BBS5: variants seen among roughly 807,000 people sequenced by gnomAD.
BBS5 encodes the protein BBSome complex member BBS5.
BBS5 carries 39 observed loss-of-function variants against 50.2 expected under a neutral mutation model. The observed-to-expected ratio is 0.78, with a 90% CI of 0.60 to 1.01. BBS5 has a LOEUF of 1.01. Ranked by LOEUF, BBS5 falls within the 50% of genes least tolerant of loss-of-function variation. The pLI, the probability that BBS5 is intolerant of heterozygous loss-of-function variation, is 0.00. For synonymous variants in BBS5, 134 were observed against 133.1 expected, an observed-to-expected ratio of 1.01 and a Z score of -0.05; for missense variants, 356 against 401.5, an observed-to-expected ratio of 0.89 and a Z score of 0.97.
intron 3 of BBS5, 88 bp from the exon 4 acceptor site, chr2:169,487,718 A>T: frequency 1.1e-6 from 1 of 902,464 alleles, no homozygotes; most frequent in Non-Finnish European, 1.7e-6. Flanking sequence ...AAACTGTTAA[A>T]AGTTCTGTGT....
At chr2:169,493,947 G>T in intron 7 of BBS5, 111 bp downstream of exon 7, 1 of 690,880 alleles carries the variant, frequency 1.4e-6, no homozygotes, top group Non-Finnish European at 2.5e-6. Flanking sequence ...AGTGGTAGCA[G>T]TTATTAGCTG....
rs1482120334 is a variant in BBS5 at position 169,492,888 on chromosome 2, C to G, written c.401C>G (p.Ser134Cys). The change falls in exon 6 of 12, where the codon TCT (serine) becomes TGT (cysteine). Residue 134 changes from serine to cysteine, a missense_variant. Coordinates refer to ENST00000295240, the MANE Select transcript of BBS5 (RefSeq NM_152384.3). Reference sequence around the variant, plus strand: ...CTTTTTCATAGAGCTTATGAAACTTCTAAAATGTATCGTGATTTTAAATTA... The same window carrying G: ...CTTTTTCATAGAGCTTATGAAACTTGTAAAATGTATCGTGATTTTAAATTA... The part of the protein sequence containing the change: ...VMAVHRAYET[S>C]KMYRDFKLRS... 6.2e-7 allele frequency: 1 copy of G among 1,612,364 alleles called. No individual in the cohort carries two copies. Among genetic ancestry groups the G allele is most frequent in the Non-Finnish European group, 8.5e-7 (1 of 1,179,098 alleles).
intron 1 of BBS5, among the ~76,000 whole-genome samples, chr2:169,481,065 G>A (rs1683383810): frequency 2.0e-5 from 3 of 152,108 alleles, no homozygotes; most frequent in South Asian, 4.1e-4. Context: ...GTTTTATTAC[G>A]TGCTAGTTAC....
chr2:169,480,969 C>T (rs1255984114), intron 1 of BBS5, among the ~76,000 whole-genome samples: 1 of 152,110 alleles, frequency 6.6e-6, no homozygotes. Flanking sequence ...TGAGCCACTG[C>T]GCCCGGCGAC....
rs116832153 is a variant in BBS5, at chr2:169,488,560, C to T, written c.386+446C>T. On this transcript the variant is annotated intron_variant, in intron 5 of 11. Coordinates refer to ENST00000295240, the MANE Select transcript of BBS5 (RefSeq NM_152384.3). ...TGCTCACTCACCCCCCAACCACTCA[C>T]CTCCTGCTGGGCAGCCTGGTTCCTA... 9.1e-3 allele frequency among the ~76,000 whole-genome samples: 1,390 copies of T among 152,378 alleles called. 28 individuals are homozygous for T. Among genetic ancestry groups the T allele is most frequent in the African/African-American group, 0.031 (1,310 of 41,592 alleles).
chr2:169,483,364 T>G (rs1217184678), intron 2 of BBS5, among the ~76,000 whole-genome samples: 1 of 152,126 alleles, frequency 6.6e-6, no homozygotes. Context: ...CTCTTTTATG[T>G]ACATATGTCT....
chr2:169,501,903 A>G (rs1441211053), intron 9 of BBS5, among the ~76,000 whole-genome samples: 2 of 152,156 alleles, frequency 1.3e-5, no homozygotes, highest in African/African-American at 4.8e-5. Flanking sequence ...CTTTGACCCC[A>G]GTATATAATA....
At chr2:169,486,641 C>T (rs557490200) in intron 2 of BBS5, among the ~76,000 whole-genome samples, 1 of 152,216 alleles carries the variant, frequency 6.6e-6, no homozygotes, top group East Asian at 1.9e-4. Flanking sequence ...AGAAAGTACT[C>T]ATATAGAAAG....
rs141335726 is a variant in BBS5, at chr2:169,489,297, C to T, written c.386+1183C>T. 9.1e-3 allele frequency among the ~76,000 whole-genome samples: 1,382 copies of T among 151,908 alleles called. 28 individuals carry two copies. The highest frequency in any genetic ancestry group is 0.031 in the African/African-American group (1,306 of 41,466). The stretch of plus-strand genomic sequence containing the variant: ...CCAATGTGGTGAAACCCTGCCTCTA[C>T]TAAAAATACAAAAAAATTAGCTGAG... On this transcript the variant is annotated intron_variant, in intron 5 of 11. Transcript: ENST00000295240.
chr2:169,504,934 G>A lies in BBS5; in HGVS notation c.*352G>A, dbSNP rs1683877573. On this transcript the variant is annotated 3_prime_UTR_variant, in exon 12 of 12. Coordinates refer to ENST00000295240, the MANE Select transcript of BBS5 (RefSeq NM_152384.3). ...GGGACGTTGCGGCCCAGTGGGTGGA[G>A]GTCCAAAGAGGACTGGTGATCTACG... 1 of 1,613,616 alleles carries A rather than the reference G, an allele frequency of 6.2e-7. No individual in the cohort carries two copies. Among genetic ancestry groups the A allele is most frequent in the Non-Finnish European group, 8.5e-7 (1 of 1,179,940 alleles).
At position 169,503,104 on chromosome 2, in the gene BBS5, C is replaced by A; in HGVS notation, c.826C>A (p.Leu276Ile). Reference sequence around the variant, plus strand: ...ATCTGCTGATTTTCAGCCCCAGCCGCTCGAAGCTCTGACAGTCGAACAAAT... The same window carrying A: ...ATCTGCTGATTTTCAGCCCCAGCCGATCGAAGCTCTGACAGTCGAACAAAT... ...DYEMEEKPQP[L>I]EALTVEQIQD... The change falls in exon 10 of 12, where the codon CTC becomes ATC. Residue 276 changes from leucine to isoleucine, a missense_variant. Coordinates refer to ENST00000295240, the MANE Select transcript of BBS5 (RefSeq NM_152384.3). 1 of 1,613,520 alleles carries A rather than the reference C, an allele frequency of 6.2e-7. No homozygotes were observed. Among genetic ancestry groups the A allele is most frequent in the Non-Finnish European group, 8.5e-7 (1 of 1,179,542 alleles).
At position 169,492,840 on chromosome 2, in the gene BBS5, G is replaced by A. The variant is rs371583196; in HGVS notation, c.387-34G>A. The A allele has an allele frequency of 7.0e-4, 1,109 of 1,588,316 alleles. 4 individuals are homozygous for A. Among genetic ancestry groups the A allele is most frequent in the Non-Finnish European group, 8.5e-4 (993 of 1,163,666 alleles). Reference sequence around the variant, plus strand: ...ATAACCCAAGAAAATCACATTTTCAGTTTGAGTTGTCTTTTGTTTGTTCTT... The same window carrying A: ...ATAACCCAAGAAAATCACATTTTCAATTTGAGTTGTCTTTTGTTTGTTCTT... On this transcript the variant is annotated intron_variant, in intron 5 of 11. Coordinates refer to ENST00000295240, the MANE Select transcript of BBS5 (RefSeq NM_152384.3).
At chr2:169,490,396 G>A (rs1285977614) in intron 5 of BBS5, among the ~76,000 whole-genome samples, 1 of 151,080 alleles carries the variant, frequency 6.6e-6, no homozygotes, top group Non-Finnish European at 1.5e-5. Flanking sequence ...GTTTTACTGT[G>A]TTATAGAGAC....
At chr2:169,490,454 G>C (rs1205256930) in intron 5 of BBS5, among the ~76,000 whole-genome samples, 1 of 152,112 alleles carries the variant, frequency 6.6e-6, no homozygotes, top group East Asian at 1.9e-4. Context: ...CTGACCTTGT[G>C]ATCCGCCCAC....
At chr2:169,482,188 CTA>C in intron 1 of BBS5, 61 bp from the exon 2 acceptor site, 1 of 1,017,056 alleles carries the variant, frequency 9.8e-7, no homozygotes, top group Non-Finnish European at 1.6e-6. Context: ...TCTTTTCTCC[CTA>C]AATAGATTGC....
intron 3 of BBS5, 84 bp from the exon 4 acceptor site, chr2:169,487,722 T>G: frequency 2.1e-6 from 2 of 949,636 alleles, no homozygotes; most frequent in Non-Finnish European, 3.3e-6. Context: ...TGTTAAAAGT[T>G]CTGTGTATAC....
Position 169,504,598 on chromosome 2 carries a change from G to A in BBS5, c.*16G>A. Reference sequence around the variant, plus strand: ...AATGAGTTGATTGACCTTGAGTTGAGATGGATTTCTATTAAAGATATCTCT... The same window carrying A: ...AATGAGTTGATTGACCTTGAGTTGAAATGGATTTCTATTAAAGATATCTCT... On this transcript the variant is annotated 3_prime_UTR_variant, in exon 12 of 12. Transcript: ENST00000295240. 1 of 1,557,080 alleles carries A rather than the reference G, an allele frequency of 6.4e-7. No homozygotes were observed. The highest frequency in any genetic ancestry group is 1.1e-5 in the South Asian group (1 of 89,890).
At chr2:169,484,069 C>T (rs2105292614) in intron 2 of BBS5, among the ~76,000 whole-genome samples, 1 of 152,294 alleles carries the variant, frequency 6.6e-6, no homozygotes, top group South Asian at 2.1e-4. Context: ...CAGAAATCTC[C>T]AGTGCCTGAA....
chr2:169,493,831 CA>C lies in BBS5; in HGVS notation c.616del (p.Ile206PhefsTer4), dbSNP rs1329581419. 6.3e-7 allele frequency: 1 copy of C among 1,583,920 alleles called. No individual in the cohort carries two copies. The highest frequency in any genetic ancestry group is 1.3e-5 in the African/African-American group (1 of 74,178). Reference protein sequence around the residue: ...DSFNVSIPYLQIRSIKIRDSK... With the variant: ...DSFNVSIPYLXIRSIKIRDSK... The stretch of plus-strand genomic sequence containing the variant: ...TTTTAATGTCAGTATACCATATCTG[CA>C]AATTGTAAGTACATACATTTTGATG... On this transcript the variant is annotated frameshift_variant, in exon 7 of 12. Transcript: ENST00000295240. LOFTEE classifies it high-confidence loss of function.
Sources: gnomAD v4.1 joint callset for allele counts (sites outside exome capture counted in the v4.1 genomes callset) on GRCh38, gnomAD v4.1.1 for gene constraint, MANE v1.5 for transcripts, NCBI Gene and HGNC (gene_info 2026-07-23, HGNC 2026-07-21) for gene names.